The following TMA7B variants were observed in gnomAD, a reference collection of about 807,000 sequenced individuals.
TMA7B encodes translation machinery associated 7 homolog B.
chr22:39,961,760 A>T, the TMA7B span, among the ~76,000 whole-genome samples: 1 of 152,228 alleles, frequency 6.6e-6, no homozygotes, highest in Non-Finnish European at 1.5e-5. Context: ...CTTACTGTCA[A>T]GTTATTGGCA....
chr22:39,962,094 G>A, the TMA7B span, among the ~76,000 whole-genome samples: 1 of 152,164 alleles, frequency 6.6e-6, no homozygotes, highest in Non-Finnish European at 1.5e-5. Flanking sequence ...ATCTTGTTAG[G>A]TCTTAATTAA....
chr22:39,962,962 C>T, the TMA7B span, among the ~76,000 whole-genome samples: 1 of 152,126 alleles, frequency 6.6e-6, no homozygotes, highest in East Asian at 1.9e-4. Context: ...ACCCACTGTG[C>T]CCGGACCCAG....
chr22:39,961,880 AG>A, the TMA7B span, among the ~76,000 whole-genome samples: 3 of 152,256 alleles, frequency 2.0e-5, no homozygotes, highest in African/African-American at 7.2e-5. Flanking sequence ...CTGTTTAGAA[AG>A]AATGGATATT....
chr22:39,964,734 A>AAAAATT, the TMA7B span: 1 of 471,268 alleles, frequency 2.1e-6, no homozygotes. Context: ...AAAAAAAAAA[A>AAAAATT]TCTTCCAGTG....
chr22:39,962,768 C>T, the TMA7B span, among the ~76,000 whole-genome samples: 58 of 152,236 alleles, frequency 3.8e-4, 1 homozygote, highest in East Asian at 9.7e-3. Context: ...AAGCAATTCT[C>T]GTGCCTTGGC....
At chr22:39,961,301 G>A in the TMA7B span, among the ~76,000 whole-genome samples, 8 of 152,058 alleles carry the variant, frequency 5.3e-5, no homozygotes, top group South Asian at 2.1e-4. Context: ...AAAGAGGAGC[G>A]GGAGACAGGA....
chr22:39,964,554 A>G, the TMA7B span: 1 of 835,744 alleles, frequency 1.2e-6, no homozygotes, highest in Non-Finnish European at 2.1e-6. Flanking sequence ...GAATTAAGAA[A>G]TCTGGCAAAA....
chr22:39,960,769 C>T, the TMA7B span: 1 of 152,440 alleles, frequency 6.6e-6, no homozygotes, highest in Non-Finnish European at 1.5e-5. Flanking sequence ...TTTATTTAAT[C>T]AAAGACTTGT....
the TMA7B span, among the ~76,000 whole-genome samples, chr22:39,961,292 A>G: frequency 6.6e-6 from 1 of 152,044 alleles, no homozygotes; most frequent in South Asian, 2.1e-4. Context: ...CAGGGGGAGA[A>G]AGAGGAGCGG....
chr22:39,962,697 G>A, the TMA7B span, among the ~76,000 whole-genome samples: 2 of 151,590 alleles, frequency 1.3e-5, no homozygotes, highest in African/African-American at 4.9e-5. Flanking sequence ...TCGCTCTGTC[G>A]CCCAGGCTGG....
At chr22:39,962,830 T>C in the TMA7B span, among the ~76,000 whole-genome samples, 5 of 151,900 alleles carry the variant, frequency 3.3e-5, no homozygotes, top group African/African-American at 1.2e-4. Context: ...GGCTAATTTG[T>C]GTGTGTGTGG....
chr22:39,964,660 T>C, the TMA7B span: 3 of 581,122 alleles, frequency 5.2e-6, no homozygotes, highest in Non-Finnish European at 9.1e-6. Flanking sequence ...TTGCCACCTA[T>C]AGTTGGAATT....
At chr22:39,964,516 G>A in the TMA7B span, 21 of 947,308 alleles carry the variant, frequency 2.2e-5, no homozygotes, top group Admixed American at 9.1e-5. Context: ...AGCGAAGGTC[G>A]TGGGGAAGGG....
chr22:39,964,715 TAAAAA>T, the TMA7B span: 10 of 308,542 alleles, frequency 3.2e-5, no homozygotes, highest in South Asian at 7.9e-5. Context: ...TAAACTTTTG[TAAAAA>T]AAAAAAAAAA....
At chr22:39,961,533 G>A in the TMA7B span, among the ~76,000 whole-genome samples, 4 of 152,170 alleles carry the variant, frequency 2.6e-5, no homozygotes, top group Non-Finnish European at 5.9e-5. Flanking sequence ...GAGTGGGGGA[G>A]GACTGTAACA....
the TMA7B span, chr22:39,960,953 CTTTTTTTTTTT>C: frequency 7.6e-6 from 1 of 131,060 alleles, no homozygotes; most frequent in South Asian, 2.4e-4. Flanking sequence ...CCCAAGTCTT[CTTTTTTTTTTT>C]TTTTTTTGGA....
the TMA7B span, among the ~76,000 whole-genome samples, chr22:39,961,137 A>G: frequency 6.6e-6 from 1 of 151,974 alleles, no homozygotes; most frequent in Non-Finnish European, 1.5e-5. Flanking sequence ...ATTTCTTTGT[A>G]GAGACTAGGT....
At chr22:39,964,715 TAAAAAAA>T in the TMA7B span, 1 of 307,640 alleles carries the variant, frequency 3.3e-6, no homozygotes, top group Admixed American at 5.0e-5. Context: ...TAAACTTTTG[TAAAAAAA>T]AAAAAAAAAA....
At chr22:39,964,540 G>A in the TMA7B span, 3 of 856,124 alleles carry the variant, frequency 3.5e-6, no homozygotes, top group Non-Finnish European at 6.0e-6. Flanking sequence ...TCTGGCCACA[G>A]GTGGAATTAA....
Sources: gnomAD v4.1 joint callset for allele counts (sites outside exome capture counted in the v4.1 genomes callset) on GRCh38, gnomAD v4.1.1 for gene constraint, MANE v1.5 for transcripts, NCBI Gene and HGNC (gene_info 2026-07-23, HGNC 2026-07-21) for gene names.